CLMN: variants seen among roughly 807,000 people sequenced by gnomAD.
CLMN encodes calmin (calponin-like, transmembrane).
Under a neutral mutation model 92.7 loss-of-function variants are expected in CLMN, and 57 were observed. That is an observed-to-expected ratio of 0.61 (90% CI 0.50 to 0.77). The LOEUF is 0.77. CLMN is among the 30% of genes least tolerant of loss of function. CLMN has a pLI of 0.00. For synonymous variants in CLMN, 466 were observed against 470.6 expected, an observed-to-expected ratio of 0.99 and a Z score of 0.13; for missense variants, 1,158 against 1,237.5, an observed-to-expected ratio of 0.94 and a Z score of 0.96.
chr14:95,251,541 G>A (rs1898785967), intron 1 of CLMN, among the ~76,000 whole-genome samples: 1 of 152,290 alleles, frequency 6.6e-6, no homozygotes, highest in African/African-American at 2.4e-5. Flanking sequence ...CTAGGAACCT[G>A]TATTTATTAA....
intron 1 of CLMN, among the ~76,000 whole-genome samples, chr14:95,258,379 G>C (rs1346855099): frequency 6.7e-6 from 1 of 150,100 alleles, no homozygotes; most frequent in East Asian, 2.0e-4. Context: ...GTGTGTATAT[G>C]TGTATGTGTG....
At chr14:95,268,929 G>C (rs191665766) in intron 1 of CLMN, among the ~76,000 whole-genome samples, 2 of 147,960 alleles carry the variant, frequency 1.4e-5, no homozygotes, top group Non-Finnish European at 3.0e-5. Context: ...TCAGCCTCCC[G>C]AGTAGCTGGG....
chr14:95,262,929 G>A (rs751918431), intron 1 of CLMN, among the ~76,000 whole-genome samples: 2 of 152,154 alleles, frequency 1.3e-5, no homozygotes, highest in Non-Finnish European at 2.9e-5. Context: ...AGGCCACGCA[G>A]CTTGTTCTTC....
rs142147488 is a variant in CLMN, at chr14:95,283,323, T to G, written c.82+36388A>C. Among the ~76,000 whole-genome samples the G allele has an allele frequency of 8.6e-3, 1,310 of 152,342 alleles. 28 individuals carry two copies. The highest frequency in any genetic ancestry group is 0.03 in the African/African-American group (1,242 of 41,564). Reference sequence around the variant, plus strand: ...AGGCCTCCCCAGCCATGTGGAACTGTAAGTCCAATTAAACCTCTTTTTCTT... The same window carrying G: ...AGGCCTCCCCAGCCATGTGGAACTGGAAGTCCAATTAAACCTCTTTTTCTT... On this transcript the variant is annotated intron_variant, in intron 1 of 12. Transcript: ENST00000298912.
At chr14:95,293,658 T>C (rs1900690587) in intron 1 of CLMN, among the ~76,000 whole-genome samples, 1 of 151,794 alleles carries the variant, frequency 6.6e-6, no homozygotes, top group African/African-American at 2.4e-5. Context: ...GACATGTGGG[T>C]GTACTGCGCC....
At chr14:95,261,670 A>G (rs77815180) in intron 1 of CLMN, among the ~76,000 whole-genome samples, 19,351 of 152,130 alleles carry the variant, frequency 0.13, 1,790 homozygotes, top group African/African-American at 0.25. Context: ...GTGCCTCTGC[A>G]TTGCGACCTG....
At chr14:95,287,357 A>C (rs1900385188) in intron 1 of CLMN, among the ~76,000 whole-genome samples, 1 of 152,212 alleles carries the variant, frequency 6.6e-6, no homozygotes, top group African/African-American at 2.4e-5. Flanking sequence ...TACAGAGCCA[A>C]GTATGCTGGG....
At position 95,194,289 on chromosome 14, in the gene CLMN, G is replaced by T. The variant is rs575502345; in HGVS notation, c.2769+247C>A. 7.1e-6 allele frequency: 10 copies of T among 1,409,152 alleles called. No individual in the cohort carries two copies. The South Asian group carries it at 1.1e-4, about 16-fold the overall frequency. 87.3% of individuals were successfully genotyped at this position (1,409,152 alleles called of 1,614,324 possible). A position where few individuals can be genotyped will look rare whatever the true frequency, so the allele number is the denominator to read the frequency against. On this transcript the variant is annotated intron_variant, in intron 11 of 12. Transcript: ENST00000298912. The surrounding 1 kb of genome is among the most constrained non-coding windows in gnomAD (Gnocchi z 4.0). ...CGCGGGGTCCAGGTGAGGCGTTTTG[G>T]GTGCGTTTTTATAGCAAGGAGGCCT...
chr14:95,235,303 G>A (rs1898016310), intron 1 of CLMN, among the ~76,000 whole-genome samples: 1 of 152,196 alleles, frequency 6.6e-6, no homozygotes. Context: ...ACTGGGGCCG[G>A]GGCCTGGGAA....
At chr14:95,270,393 A>G (rs1899660820) in intron 1 of CLMN, among the ~76,000 whole-genome samples, 1 of 152,210 alleles carries the variant, frequency 6.6e-6, no homozygotes, top group Non-Finnish European at 1.5e-5. Flanking sequence ...TAATTTTAGA[A>G]CACACTCACC....
At chr14:95,266,341 TA>T (rs1899474031) in intron 1 of CLMN, among the ~76,000 whole-genome samples, 1 of 152,192 alleles carries the variant, frequency 6.6e-6, no homozygotes, top group African/African-American at 2.4e-5. Flanking sequence ...TTAGAACTGA[TA>T]AATTCAGTAA....
intron 8 of CLMN, among the ~76,000 whole-genome samples, 160 bp from the exon 9 acceptor site, chr14:95,204,623 A>G (rs1367366876): frequency 3.9e-5 from 6 of 152,228 alleles, no homozygotes; most frequent in Non-Finnish European, 8.8e-5. Flanking sequence ...CTTCAAACCA[A>G]TGCAAAGTGT....
intron 1 of CLMN, among the ~76,000 whole-genome samples, chr14:95,244,008 G>A (rs1215191848): frequency 1.3e-5 from 2 of 152,016 alleles, no homozygotes; most frequent in African/African-American, 4.8e-5. Context: ...TTGTTTAAAG[G>A]CGTGTAGCAC....
In CLMN at chr14:95,305,182, A is replaced by T. The variant is rs1901225115; in HGVS notation, c.82+14529T>A. ...ACTCATGCAATTAGTGCAGCTCCCA[A>T]AGCAGACATCAGTATTATTCTTCCC... is the stretch of plus-strand genomic sequence containing the variant. On this transcript the variant is annotated intron_variant, in intron 1 of 12. Transcript: ENST00000298912. Among the ~76,000 whole-genome samples, 3 of 152,324 alleles carry T rather than the reference A, an allele frequency of 2.0e-5. No individual in the cohort carries two copies. The South Asian group carries it at 6.2e-4, about 32-fold the overall frequency.
chr14:95,260,427 G>A (rs1038164517), intron 1 of CLMN: 5 of 150,490 alleles, frequency 3.3e-5, no homozygotes, highest in African/African-American at 1.2e-4. Context: ...GGGCAACAGA[G>A]CCAGACTCTG....
chr14:95,242,143 G>A (rs1171961659), intron 1 of CLMN, among the ~76,000 whole-genome samples: 2 of 144,950 alleles, frequency 1.4e-5, no homozygotes, highest in Non-Finnish European at 3.0e-5. Context: ...ATGGTCATCT[G>A]GGGAAATTTG....
At chr14:95,233,300 T>TCATCTATC (rs1391662395) in intron 1 of CLMN, among the ~76,000 whole-genome samples, 2 of 152,032 alleles carry the variant, frequency 1.3e-5, no homozygotes, top group Non-Finnish European at 2.9e-5. Flanking sequence ...TACACATAAC[T>TCATCTATC]CATCTATCCA....
Position 95,221,777 on chromosome 14 carries a change from A to C in CLMN, c.241-3T>G. 1.2e-6 allele frequency: 2 copies of C among 1,614,122 alleles called. No homozygotes were observed. Among genetic ancestry groups the C allele is most frequent in the Non-Finnish European group, 1.7e-6 (2 of 1,179,958 alleles). ...GACGAGGATTTGTATTCGTGCAGCT[A>C]TAAAACAGAACAGAACAAAACAAGC... On this transcript the variant is annotated splice_region_variant and splice_polypyrimidine_tract_variant and intron_variant, in intron 3 of 12. Coordinates refer to ENST00000298912, the MANE Select transcript of CLMN (RefSeq NM_024734.4).
intron 1 of CLMN, chr14:95,296,038 T>C (rs959474204): frequency 2.0e-5 from 3 of 151,926 alleles, no homozygotes; most frequent in Admixed American, 6.6e-5. Context: ...CCTCTGGAGG[T>C]TCCAGGGGGA....
Sources: allele counts gnomAD v4.1 joint callset (sites outside exome capture counted in the v4.1 genomes callset), GRCh38; gene constraint gnomAD v4.1.1; non-coding constraint Gnocchi (gnomAD v3.1); transcripts MANE v1.5; gene names NCBI Gene and HGNC (gene_info 2026-07-23, HGNC 2026-07-21).